Variants in ARHGAP42 observed in about 807,000 individuals in gnomAD.
ARHGAP42 encodes the protein Rho GTPase activating protein 42.
A neutral mutation model predicts 125.0 loss-of-function variants in ARHGAP42; 63 were observed. That is an observed-to-expected ratio of 0.50 (90% confidence interval 0.41 to 0.62). The LOEUF (loss-of-function observed/expected upper bound fraction) is 0.62. Among genes scored for constraint, ARHGAP42 ranks in the 20% least tolerant of loss-of-function variants. The probability of loss-of-function intolerance (pLI) is 0.00; values close to 1 mark genes in which losing one functional copy is unlikely to be tolerated. For synonymous variants in ARHGAP42, 339 were observed against 351.0 expected, an observed-to-expected ratio of 0.97 and a Z score of 0.38; for missense variants, 766 against 1,024.2, an observed-to-expected ratio of 0.75 and a Z score of 3.44.
chr11:100,886,977 A>T (rs1350093152), intron 4 of ARHGAP42, among the ~76,000 whole-genome samples: 1 of 152,182 alleles, frequency 6.6e-6, no homozygotes, highest in Non-Finnish European at 1.5e-5. Flanking sequence ...GCATTTTGTC[A>T]TCCCTACCAT....
intron 22 of ARHGAP42, among the ~76,000 whole-genome samples, chr11:100,985,072 A>T (rs1404505997): frequency 6.6e-6 from 1 of 152,154 alleles, no homozygotes; most frequent in East Asian, 1.9e-4. Flanking sequence ...TTATTTATTT[A>T]GCGATATAAT....
chr11:100,918,243 C>T (rs1867130441), intron 5 of ARHGAP42, among the ~76,000 whole-genome samples: 1 of 152,170 alleles, frequency 6.6e-6, no homozygotes, highest in African/African-American at 2.4e-5. Flanking sequence ...CTGACTCTAT[C>T]ACATCACTCA....
At chr11:100,800,486 T>C (rs1246768530) in intron 3 of ARHGAP42, among the ~76,000 whole-genome samples, 2 of 152,084 alleles carry the variant, frequency 1.3e-5, no homozygotes, top group East Asian at 3.9e-4. Context: ...TTTGGATGTT[T>C]TATGGACAGG....
intron 1 of ARHGAP42, among the ~76,000 whole-genome samples, chr11:100,769,467 T>C (rs1244142657): frequency 1.3e-5 from 2 of 152,248 alleles, no homozygotes; most frequent in East Asian, 3.9e-4. Context: ...TTTTTCTGGG[T>C]TTAGTCAGAC....
At chr11:100,776,281 G>C (rs1863118187) in intron 2 of ARHGAP42, among the ~76,000 whole-genome samples, 1 of 152,232 alleles carries the variant, frequency 6.6e-6, no homozygotes, top group Non-Finnish European at 1.5e-5. Flanking sequence ...GGAAAGTCCA[G>C]TTGCGATTGT....
intron 3 of ARHGAP42, among the ~76,000 whole-genome samples, chr11:100,841,084 G>A (rs71476653): frequency 7.0e-4 from 106 of 152,188 alleles, no homozygotes; most frequent in Non-Finnish European, 1.4e-3. Context: ...CTCTTGATAC[G>A]TACACTTTTG....
intron 4 of ARHGAP42, among the ~76,000 whole-genome samples, chr11:100,890,711 C>T (rs1198055988): frequency 1.3e-5 from 2 of 152,162 alleles, no homozygotes; most frequent in Non-Finnish European, 2.9e-5. Flanking sequence ...GGTTAAAATG[C>T]TGCTTGAAGT....
At chr11:100,700,803 A>G (rs1032083561) in intron 1 of ARHGAP42, among the ~76,000 whole-genome samples, 3 of 152,232 alleles carry the variant, frequency 2.0e-5, no homozygotes, top group Non-Finnish European at 4.4e-5. Flanking sequence ...AGGGTTAAAA[A>G]TCAACTTTTT....
intron 4 of ARHGAP42, among the ~76,000 whole-genome samples, chr11:100,902,651 C>T (rs1406794772): frequency 1.3e-5 from 2 of 152,048 alleles, no homozygotes; most frequent in Non-Finnish European, 1.5e-5. Flanking sequence ...CTGGGAGTAT[C>T]ACCCCTTGTC....
intron 3 of ARHGAP42, among the ~76,000 whole-genome samples, chr11:100,847,783 G>A (rs1865104619): frequency 6.6e-6 from 1 of 152,154 alleles, no homozygotes; most frequent in Admixed American, 6.6e-5. Flanking sequence ...GTGGAGTAGA[G>A]AAGCCTGGGA....
chr11:100,713,119 C>T (rs1861592604), intron 1 of ARHGAP42, among the ~76,000 whole-genome samples: 1 of 152,154 alleles, frequency 6.6e-6, no homozygotes, highest in African/African-American at 2.4e-5. Context: ...CATAAGTGTT[C>T]TCCTGGAAAA....
rs939795427 is a variant in ARHGAP42, at chr11:100,992,632, C to A, written c.*3831C>A. On this transcript the variant is annotated 3_prime_UTR_variant, in exon 24 of 24. Transcript: ENST00000298815. ...CTGTATCCCTCATTGTCACCGTTAT[C>A]CCCCTGCTTCAAAATGTGCCAGTTC... 6.2e-7 allele frequency: 1 copy of A among 1,613,134 alleles called. No homozygotes were observed. Among genetic ancestry groups the A allele is most frequent in the Non-Finnish European group, 8.5e-7 (1 of 1,179,568 alleles).
chr11:100,860,000 T>A (rs1361478516), intron 4 of ARHGAP42: 1 of 155,824 alleles, frequency 6.4e-6, no homozygotes. Context: ...TTGTATTTTT[T>A]ATAAATAAAA....
chr11:100,907,528 G>A (rs545398850), intron 4 of ARHGAP42, among the ~76,000 whole-genome samples: 2 of 152,330 alleles, frequency 1.3e-5, no homozygotes, highest in East Asian at 3.9e-4. Context: ...GGAGTTGGTG[G>A]AGAATGGGTT....
intron 2 of ARHGAP42, among the ~76,000 whole-genome samples, chr11:100,777,138 C>T (rs991560957): frequency 2.0e-5 from 3 of 152,174 alleles, no homozygotes; most frequent in Admixed American, 2.0e-4. Context: ...GGTGCCCTGA[C>T]ATTTTTACTT....
At chr11:100,887,432 A>G (rs2135186273) in intron 4 of ARHGAP42, among the ~76,000 whole-genome samples, 1 of 152,314 alleles carries the variant, frequency 6.6e-6, no homozygotes. Context: ...GATCCCTCTC[A>G]TAACCCTTAT....
At chr11:100,786,194 TAAAAC>T (rs975443386) in intron 2 of ARHGAP42, among the ~76,000 whole-genome samples, 7 of 152,214 alleles carry the variant, frequency 4.6e-5, no homozygotes, top group African/African-American at 7.2e-5. Flanking sequence ...GAATAAACAT[TAAAAC>T]AAAACAAAAC....
chr11:100,891,029 C>G (rs1197474848), intron 4 of ARHGAP42, among the ~76,000 whole-genome samples: 1 of 152,182 alleles, frequency 6.6e-6, no homozygotes, highest in Non-Finnish European at 1.5e-5. Context: ...GATGCCTTTC[C>G]TTATCCACAT....
chr11:100,735,109 CTTCAGGATCCATA>C (rs1174886113), intron 1 of ARHGAP42, among the ~76,000 whole-genome samples: 1 of 152,208 alleles, frequency 6.6e-6, no homozygotes, highest in Non-Finnish European at 1.5e-5. Flanking sequence ...CACCAGACCC[CTTCAGGATCCATA>C]TCCTCACTGT....
Sources: allele counts gnomAD v4.1 joint callset (sites outside exome capture counted in the v4.1 genomes callset), GRCh38; gene constraint gnomAD v4.1.1; transcripts MANE v1.5; gene names NCBI Gene and HGNC (gene_info 2026-07-23, HGNC 2026-07-21).